Variants in MMP26 observed in about 807,000 individuals in gnomAD.
MMP26 encodes the protein matrix metallopeptidase 26.
Under a neutral mutation model 31.0 loss-of-function variants are expected in MMP26, and 33 were observed. That is an observed-to-expected ratio of 1.06 (90% CI 0.81 to 1.42). The LOEUF (loss-of-function observed/expected upper bound fraction) is 1.42. Ranked by LOEUF, MMP26 falls within the 40% of genes most tolerant of loss-of-function variation. MMP26 has a pLI of 0.00. For synonymous variants in MMP26, 122 were observed against 114.9 expected (o/e 1.06, Z -0.40); for missense variants, 347 against 316.1 (o/e 1.10, Z -0.74).
At chr11:4,768,259 T>C (rs1425091804) in intron 2 of MMP26, among the ~76,000 whole-genome samples, 1 of 152,204 alleles carries the variant, frequency 6.6e-6, no homozygotes, top group African/African-American at 2.4e-5. Flanking sequence ...TGTGATAAAT[T>C]AGCAAGTGTG....
chr11:4,774,283 C>T (rs774438018), intron 2 of MMP26, among the ~76,000 whole-genome samples: 3 of 151,986 alleles, frequency 2.0e-5, no homozygotes, highest in Non-Finnish European at 4.4e-5. Flanking sequence ...ACGACCTCAC[C>T]AGCTTCTGTT....
intron 2 of MMP26, among the ~76,000 whole-genome samples, chr11:4,982,067 T>C (rs566920159): frequency 8.4e-6 from 1 of 118,498 alleles, no homozygotes; most frequent in East Asian, 3.2e-4. Context: ...TGTATGTATG[T>C]ATATATATAT....
chr11:4,783,274 A>T (rs1215784390), intron 2 of MMP26, among the ~76,000 whole-genome samples: 1 of 152,226 alleles, frequency 6.6e-6, no homozygotes, highest in Non-Finnish European at 1.5e-5. Flanking sequence ...CTCTTGCATC[A>T]GTGTGACCCA....
At chr11:4,721,709 T>C (rs1643119495) in intron 1 of MMP26, among the ~76,000 whole-genome samples, 1 of 152,190 alleles carries the variant, frequency 6.6e-6, no homozygotes, top group Admixed American at 6.5e-5. Context: ...AGTTCTAGTG[T>C]CTATTATTTT....
chr11:4,983,830 C>T (rs781381520), intron 2 of MMP26, among the ~76,000 whole-genome samples: 1 of 152,160 alleles, frequency 6.6e-6, no homozygotes, highest in Non-Finnish European at 1.5e-5. Context: ...CACCTAGGAT[C>T]TTGTTAGAAA....
At chr11:4,737,785 T>C (rs1322459932) in intron 1 of MMP26, among the ~76,000 whole-genome samples, 1 of 152,192 alleles carries the variant, frequency 6.6e-6, no homozygotes, top group Admixed American at 6.5e-5. Context: ...GAAAATACCG[T>C]AAGTTAATTG....
chr11:4,717,498 T>C (rs552518836), intron 1 of MMP26, among the ~76,000 whole-genome samples: 60 of 151,438 alleles, frequency 4.0e-4, no homozygotes, highest in African/African-American at 1.3e-3. Flanking sequence ...GGATATTACC[T>C]AAATTAGATT....
intron 2 of MMP26, among the ~76,000 whole-genome samples, chr11:4,932,120 T>G (rs1309777926): frequency 6.6e-6 from 1 of 152,152 alleles, no homozygotes; most frequent in Non-Finnish European, 1.5e-5. Context: ...AACTTCTGGA[T>G]GGTCTCCATC....
rs528459824 is a variant in MMP26, at chr11:4,907,082, G to C, written c.-144-80986G>C. Among the ~76,000 whole-genome samples, 16 of 28,110 alleles carry C rather than the reference G, an allele frequency of 5.7e-4. No homozygotes were observed. The Admixed American group carries it at 6.1e-3, about 11-fold the overall frequency. The allele number at this position is 28,110 out of a possible 152,430, so 18.4% of individuals were successfully genotyped here. A position where few individuals can be genotyped will look rare whatever the true frequency, so the allele number is the denominator to read the frequency against. On this transcript the variant is annotated intron_variant, in intron 2 of 7. Coordinates refer to ENST00000380390, the MANE Select transcript of MMP26 (RefSeq NM_021801.5). ...TTGCACTCCAGCCTGGGCAACAAGA[G>C]CAAAACTCCCTCTAAAAAAAAAAAA...
chr11:4,845,953 G>A (rs1436846960), intron 2 of MMP26, among the ~76,000 whole-genome samples: 1 of 152,146 alleles, frequency 6.6e-6, no homozygotes, highest in Non-Finnish European at 1.5e-5. Flanking sequence ...CTGCCAAGGT[G>A]GGAATGTAAG....
rs143422947 is a variant in MMP26 at position 4,789,759 on chromosome 11, G to C, written c.-145+22418G>C. On this transcript the variant is annotated intron_variant, in intron 2 of 7. Coordinates refer to ENST00000380390, the MANE Select transcript of MMP26 (RefSeq NM_021801.5). Reference sequence around the variant, plus strand: ...GTTTCACTGTGTTAGCCAGGATGGTGTCGATCTCCTGACCTTGTGATATGC... The same window carrying C: ...GTTTCACTGTGTTAGCCAGGATGGTCTCGATCTCCTGACCTTGTGATATGC... Among the ~76,000 whole-genome samples the C allele has an allele frequency of 9.6e-3, 1,446 of 151,226 alleles. 23 individuals carry two copies. The highest frequency in any genetic ancestry group is 0.032 in the African/African-American group (1,306 of 41,262).
At chr11:4,938,802 T>C (rs12288920) in intron 2 of MMP26, among the ~76,000 whole-genome samples, 15,744 of 152,088 alleles carry the variant, frequency 0.1, 943 homozygotes, top group Middle Eastern at 0.23. Flanking sequence ...TTTGAAGTAA[T>C]GGCAGAACTG....
chr11:4,821,006 A>G (rs1849488927), intron 2 of MMP26, among the ~76,000 whole-genome samples: 1 of 152,152 alleles, frequency 6.6e-6, no homozygotes, highest in Middle Eastern at 3.2e-3. Context: ...CACATTTCAG[A>G]TATGACTTAG....
intron 2 of MMP26, among the ~76,000 whole-genome samples, chr11:4,852,056 A>G (rs1849983262): frequency 6.6e-6 from 1 of 152,170 alleles, no homozygotes; most frequent in South Asian, 2.1e-4. Context: ...AAGACATACC[A>G]TAGATTCAAA....
At chr11:4,848,695 C>CCAGCAGGAATGG (rs1161294849) in intron 2 of MMP26, 2 of 1,614,032 alleles carry the variant, frequency 1.2e-6, no homozygotes, top group Admixed American at 1.7e-5. Flanking sequence ...GGCATGTAGG[C>CCAGCAGGAATGG]CAGCAGGAAT....
Position 4,721,572 on chromosome 11 carries a change from A to G in MMP26, c.-217+16527A>G, listed in dbSNP as rs192572012. 2.0e-5 allele frequency among the ~76,000 whole-genome samples: 3 copies of G among 152,172 alleles called. No homozygotes were observed. In the East Asian group the frequency reaches 5.8e-4, roughly 29 times the overall value. ...CTTTGTCTTATCTCTCATCTTTCCA[A>G]TTGCTCTCATGTCTGTTCATGAGTG... On this transcript the variant is annotated intron_variant, in intron 1 of 7. Coordinates refer to ENST00000380390, the MANE Select transcript of MMP26 (RefSeq NM_021801.5).
chr11:4,895,753 A>C (rs1291694449), intron 2 of MMP26, among the ~76,000 whole-genome samples: 1 of 152,138 alleles, frequency 6.6e-6, no homozygotes, highest in Non-Finnish European at 1.5e-5. Flanking sequence ...GGGAGACCCT[A>C]TCTCTACAAG....
rs1048417976 is a variant in MMP26 at position 4,907,060 on chromosome 11, C to T, written c.-144-81008C>T. On this transcript the variant is annotated intron_variant, in intron 2 of 7. Transcript: ENST00000380390. ...GCAGCAAGCTGAGATCGCACCATTG[C>T]ACTCCAGCCTGGGCAACAAGAGCAA... 3.4e-5 allele frequency among the ~76,000 whole-genome samples: 4 copies of T among 118,710 alleles called. No individual in the cohort carries two copies. The East Asian group carries it at 1.3e-3, about 38-fold the overall frequency. 77.9% of individuals were successfully genotyped at this position (118,710 alleles called of 152,430 possible). A position where few individuals can be genotyped will look rare whatever the true frequency, so the allele number is the denominator to read the frequency against.
intron 2 of MMP26, among the ~76,000 whole-genome samples, chr11:4,871,424 AATCGT>A (rs1184044079): frequency 6.6e-6 from 1 of 152,106 alleles, no homozygotes; most frequent in Admixed American, 6.6e-5. Flanking sequence ...ACTAGGGTTT[AATCGT>A]ATTTCAATAT....
Sources: allele counts gnomAD v4.1 joint callset (sites outside exome capture counted in the v4.1 genomes callset), GRCh38; gene constraint gnomAD v4.1.1; transcripts MANE v1.5; gene names NCBI Gene and HGNC (gene_info 2026-07-23, HGNC 2026-07-21).